GRIN2B: variants seen among roughly 807,000 people sequenced by gnomAD.
GRIN2B encodes the protein glutamate receptor ionotropic, NMDA 2B.
GRIN2B carries 5 observed loss-of-function variants against 114.5 expected under a neutral mutation model. The ratio of observed to expected loss-of-function variants is 0.04; its 90% CI spans 0.02 to 0.09. The LOEUF (loss-of-function observed/expected upper bound fraction) is 0.09, where lower values mean the gene tolerates loss of function less well. GRIN2B is among the 10% of genes least tolerant of loss of function. The pLI, the probability that GRIN2B is intolerant of heterozygous loss-of-function variation, is 1.00. For synonymous variants in GRIN2B, 787 were observed against 745.1 expected, an observed-to-expected ratio of 1.06 and a Z score of -0.92; for missense variants, 1,108 against 1,943.5, an observed-to-expected ratio of 0.57 and a Z score of 8.08.
intron 4 of GRIN2B, among the ~76,000 whole-genome samples, chr12:13,734,694 A>C (rs1337241344): frequency 1.3e-5 from 2 of 152,198 alleles, no homozygotes; most frequent in Non-Finnish European, 2.9e-5. Flanking sequence ...TTTAATGTGA[A>C]CTGTTTGCAC....
chr12:13,897,928 A>G (rs1228325632), intron 2 of GRIN2B, among the ~76,000 whole-genome samples: 1 of 151,398 alleles, frequency 6.6e-6, no homozygotes, highest in East Asian at 1.9e-4. Context: ...CTTATTGTCT[A>G]CCCTCCCAAT....
rs79505268 is a variant in GRIN2B at position 13,926,623 on chromosome 12, C to A, written c.-19+53305G>T. ...GTCTACAAATGAGCAAAGTCAAGGACTTTACCACCTGCCTGGCTCTGCCTG... is the reference window on the plus strand; with the variant it reads ...GTCTACAAATGAGCAAAGTCAAGGAATTTACCACCTGCCTGGCTCTGCCTG... On this transcript the variant is annotated intron_variant, in intron 2 of 13. Coordinates refer to ENST00000609686, the MANE Select transcript of GRIN2B (RefSeq NM_000834.5). Among the ~76,000 whole-genome samples the A allele has an allele frequency of 5.5e-3, 838 of 152,318 alleles. 21 individuals carry two copies. The highest frequency in any genetic ancestry group is 0.049 in the East Asian group (254 of 5,178).
intron 2 of GRIN2B, among the ~76,000 whole-genome samples, chr12:13,952,428 A>G (rs1481150333): frequency 6.6e-6 from 1 of 152,170 alleles, no homozygotes; most frequent in Non-Finnish European, 1.5e-5. Context: ...CAGAAATGAA[A>G]CTAAAATACT....
chr12:13,720,997 C>A (rs552156907), intron 4 of GRIN2B, among the ~76,000 whole-genome samples: 2 of 152,152 alleles, frequency 1.3e-5, no homozygotes, highest in Admixed American at 1.3e-4. Context: ...CTAATGGTAG[C>A]AGCCATTTAG....
chr12:13,827,245 T>TTG (rs1865058839), intron 3 of GRIN2B, among the ~76,000 whole-genome samples: 1 of 147,028 alleles, frequency 6.8e-6, no homozygotes, highest in African/African-American at 2.5e-5. Flanking sequence ...TTTTTTTTTT[T>TTG]GAGTTTGGGA....
At chr12:13,809,519 T>G (rs907087298) in intron 3 of GRIN2B, among the ~76,000 whole-genome samples, 3 of 151,996 alleles carry the variant, frequency 2.0e-5, no homozygotes, top group Non-Finnish European at 4.4e-5. Flanking sequence ...AAATAATGGT[T>G]GTTATGTGAC....
At chr12:13,833,207 G>A (rs577436133) in intron 3 of GRIN2B, among the ~76,000 whole-genome samples, 2 of 152,264 alleles carry the variant, frequency 1.3e-5, no homozygotes, top group Non-Finnish European at 2.9e-5. Flanking sequence ...ATTAACTCAT[G>A]GGTATATCAT....
At chr12:13,792,276 C>T (rs1292792900) in intron 3 of GRIN2B, among the ~76,000 whole-genome samples, 1 of 152,182 alleles carries the variant, frequency 6.6e-6, no homozygotes, top group Non-Finnish European at 1.5e-5. Flanking sequence ...AACAGAGGAG[C>T]TCCCTAGAGG....
intron 4 of GRIN2B, among the ~76,000 whole-genome samples, chr12:13,740,877 G>C (rs185443304): frequency 2.0e-5 from 3 of 152,286 alleles, no homozygotes; most frequent in South Asian, 2.1e-4. Context: ...CCAGCAAGTA[G>C]AGATGGGCAC....
At chr12:13,979,437 G>C (rs1488290613) in intron 2 of GRIN2B, among the ~76,000 whole-genome samples, 1 of 148,928 alleles carries the variant, frequency 6.7e-6, no homozygotes, top group African/African-American at 2.5e-5. Flanking sequence ...ATTTTTATCT[G>C]TTTTAAAGGG....
rs1425526418 is a variant in GRIN2B, at chr12:13,553,956, C to T, written c.*8827G>A. ...CAAAGCACTTAGAAAAATCCAGATTCCATTTGAAATAATGAACTGTATACA... is the reference window on the plus strand; with the variant it reads ...CAAAGCACTTAGAAAAATCCAGATTTCATTTGAAATAATGAACTGTATACA... On this transcript the variant is annotated 3_prime_UTR_variant, in exon 14 of 14. Transcript: ENST00000609686. The T allele has an allele frequency of 6.6e-6, 1 of 152,064 alleles. No individual in the cohort carries two copies. The highest frequency in any genetic ancestry group is 1.5e-5 in the Non-Finnish European group (1 of 68,016). 9.4% of individuals were successfully genotyped at this position (152,064 alleles called of 1,614,324 possible).
At chr12:13,758,803 T>C (rs1029716359) in intron 3 of GRIN2B, among the ~76,000 whole-genome samples, 2 of 152,206 alleles carry the variant, frequency 1.3e-5, no homozygotes, top group Admixed American at 6.5e-5. Flanking sequence ...TCATCATACT[T>C]ACACAGTAAA....
chr12:13,960,723 C>T (rs1398909823), intron 2 of GRIN2B, among the ~76,000 whole-genome samples: 1 of 152,154 alleles, frequency 6.6e-6, no homozygotes, highest in Non-Finnish European at 1.5e-5. Context: ...AACAGAACTT[C>T]CTGATGTCAG....
At chr12:13,604,562 T>C (rs1032021250) in intron 10 of GRIN2B, among the ~76,000 whole-genome samples, 2 of 152,246 alleles carry the variant, frequency 1.3e-5, no homozygotes, top group Non-Finnish European at 2.9e-5. Flanking sequence ...ACTTCCTTGA[T>C]GAAAATCTAA....
chr12:13,908,596 TATA>T (rs1278812532), intron 2 of GRIN2B, among the ~76,000 whole-genome samples: 2 of 152,170 alleles, frequency 1.3e-5, no homozygotes, highest in African/African-American at 4.8e-5. Context: ...AGTTCTTCCT[TATA>T]ATGAGTTGAA....
At chr12:13,758,215 C>T (rs987854787) in intron 3 of GRIN2B, among the ~76,000 whole-genome samples, 19 of 152,164 alleles carry the variant, frequency 1.2e-4, no homozygotes, top group Non-Finnish European at 2.8e-4. Flanking sequence ...TGCATCACAC[C>T]TGCACTTCTC....
Position 13,917,226 on chromosome 12 carries a change from C to T in GRIN2B, c.-18-51000G>A, listed in dbSNP as rs150321518. Among the ~76,000 whole-genome samples, 146 of 152,236 alleles carry T rather than the reference C, an allele frequency of 9.6e-4. No homozygotes were observed. The East Asian group carries it at 0.016, about 17-fold the overall frequency. On this transcript the variant is annotated intron_variant, in intron 2 of 13. Transcript: ENST00000609686. ...ATTAAAACAAGGCTCCAAATGGGGT[C>T]CCACTAATAAAACCCCATAACCCTG...
chr12:13,614,016 C>A (rs1320727123), intron 8 of GRIN2B, among the ~76,000 whole-genome samples: 1,271 of 92,498 alleles, frequency 0.014, no homozygotes, highest in Middle Eastern at 0.028. Context: ...CCTTGCACAG[C>A]AAAAAAAAAA....
chr12:13,621,003 T>C (rs1033612860), intron 5 of GRIN2B, among the ~76,000 whole-genome samples: 2 of 151,862 alleles, frequency 1.3e-5, no homozygotes. Flanking sequence ...ACAGGGTTCA[T>C]GTTAAAGAAC....
Sources: allele counts gnomAD v4.1 joint callset (sites outside exome capture counted in the v4.1 genomes callset), GRCh38; gene constraint gnomAD v4.1.1; transcripts MANE v1.5; gene names NCBI Gene and HGNC (gene_info 2026-07-23, HGNC 2026-07-21).